Variants in FCHSD2 observed in about 807,000 individuals in gnomAD.
FCHSD2 encodes FCH and double SH3 domains 2, also known as F-BAR and double SH3 domains protein 2.
Under a neutral mutation model 108.1 loss-of-function variants are expected in FCHSD2, and 38 were observed. The ratio of observed to expected loss-of-function variants is 0.35; its 90% CI spans 0.27 to 0.46. The LOEUF (loss-of-function observed/expected upper bound fraction) is 0.46. Ranked by LOEUF, FCHSD2 falls within the 20% of genes least tolerant of loss-of-function variation. The pLI, the probability that FCHSD2 is intolerant of heterozygous loss-of-function variation, is 1.00. For missense variants in FCHSD2, 751 were observed against 897.8 expected (o/e 0.84, Z 2.09); for synonymous variants, 279 against 314.7 (o/e 0.89, Z 1.20).
intron 3 of FCHSD2, among the ~76,000 whole-genome samples, chr11:73,029,649 C>A (rs894808504): frequency 2.0e-5 from 3 of 152,158 alleles, no homozygotes; most frequent in Admixed American, 6.5e-5. Context: ...GCACCCTTTC[C>A]CTATTGCTAC....
At chr11:73,030,229 T>C (rs1297009175) in intron 3 of FCHSD2, among the ~76,000 whole-genome samples, 1 of 152,204 alleles carries the variant, frequency 6.6e-6, no homozygotes, top group Non-Finnish European at 1.5e-5. Context: ...CACAGTATCT[T>C]GTCCAAAAGT....
At chr11:72,935,642 A>G (rs1856284520) in intron 8 of FCHSD2, among the ~76,000 whole-genome samples, 1 of 152,230 alleles carries the variant, frequency 6.6e-6, no homozygotes, top group African/African-American at 2.4e-5. Flanking sequence ...ACAAGAAATC[A>G]AAACAAGTAC....
chr11:72,949,074 T>C (rs1183393827), intron 8 of FCHSD2, among the ~76,000 whole-genome samples: 5 of 152,352 alleles, frequency 3.3e-5, no homozygotes, highest in Admixed American at 2.6e-4. Flanking sequence ...TTTTAAAGTA[T>C]ACAATGCAGT....
chr11:73,025,604 C>T (rs1423405881), intron 3 of FCHSD2, among the ~76,000 whole-genome samples: 1 of 151,916 alleles, frequency 6.6e-6, no homozygotes, highest in Non-Finnish European at 1.5e-5. Context: ...ACAAGTTTAA[C>T]TATGTAACAA....
chr11:73,121,603 T>C (rs1461246240), intron 2 of FCHSD2, among the ~76,000 whole-genome samples: 1 of 151,802 alleles, frequency 6.6e-6, no homozygotes, highest in East Asian at 1.9e-4. Context: ...AAAATCAACC[T>C]GTAAAGCTTA....
intron 3 of FCHSD2, among the ~76,000 whole-genome samples, chr11:73,036,565 G>C (rs553685033): frequency 6.6e-6 from 1 of 152,232 alleles, no homozygotes; most frequent in African/African-American, 2.4e-5. Flanking sequence ...GCAAGTCCCT[G>C]ATAAATTATA....
intron 3 of FCHSD2, among the ~76,000 whole-genome samples, chr11:73,059,478 G>C (rs1382769476): frequency 6.6e-6 from 1 of 152,128 alleles, no homozygotes; most frequent in Non-Finnish European, 1.5e-5. Context: ...AAACATAAAT[G>C]TCAGATGTGA....
intron 13 of FCHSD2, among the ~76,000 whole-genome samples, chr11:72,855,984 C>T (rs919084574): frequency 2.0e-5 from 3 of 152,176 alleles, no homozygotes; most frequent in East Asian, 1.9e-4. Flanking sequence ...GTTTCTTGCC[C>T]GCTACACCCA....
chr11:73,038,728 A>T (rs1858559253), intron 3 of FCHSD2, among the ~76,000 whole-genome samples: 1 of 152,218 alleles, frequency 6.6e-6, no homozygotes, highest in African/African-American at 2.4e-5. Context: ...AAGGGTTGAA[A>T]AAATAATTAG....
chr11:72,892,995 T>A (rs1855348842), intron 10 of FCHSD2, among the ~76,000 whole-genome samples: 1 of 151,658 alleles, frequency 6.6e-6, no homozygotes, highest in Non-Finnish European at 1.5e-5. Flanking sequence ...GCTGGCAAAT[T>A]TATTTTTATT....
chr11:73,133,792 C>CA (rs56104779), intron 2 of FCHSD2, among the ~76,000 whole-genome samples: 29 of 65,810 alleles, frequency 4.4e-4, no homozygotes, highest in South Asian at 1.7e-3. Context: ...AACTCCGTCT[C>CA]AAAAAAAAAA....
At chr11:72,845,448 A>C (rs1196815177) in intron 14 of FCHSD2, among the ~76,000 whole-genome samples, 1 of 72,006 alleles carries the variant, frequency 1.4e-5, no homozygotes, top group Non-Finnish European at 3.0e-5. Context: ...AAAAAAAAAA[A>C]AAAAAAAAAA....
At chr11:72,849,700 G>C in intron 14 of FCHSD2, 55 bp downstream of exon 14, 1 of 1,330,700 alleles carries the variant, frequency 7.5e-7, no homozygotes, top group Non-Finnish European at 1.1e-6. Context: ...ATACAGTCAT[G>C]TGTATCTTCA....
chr11:73,063,161 A>G (rs1314859598), intron 3 of FCHSD2, among the ~76,000 whole-genome samples: 2 of 152,216 alleles, frequency 1.3e-5, no homozygotes, highest in African/African-American at 4.8e-5. Flanking sequence ...AGAATTTTCA[A>G]CCCAGAATTT....
intron 9 of FCHSD2, among the ~76,000 whole-genome samples, chr11:72,904,046 A>G (rs1396064489): frequency 3.3e-5 from 5 of 152,238 alleles, no homozygotes; most frequent in African/African-American, 1.2e-4. Flanking sequence ...AACAGACTAC[A>G]TAATTAAAAT....
chr11:72,883,100 T>C (rs72969893), intron 12 of FCHSD2, among the ~76,000 whole-genome samples: 24,830 of 152,122 alleles, frequency 0.16, 2,433 homozygotes, highest in Non-Finnish European at 0.23. Flanking sequence ...GCTATCTGTA[T>C]AGGAAAAAAC....
At position 72,837,387 on chromosome 11, in the gene FCHSD2, A is replaced by G. The variant is rs1340873683; in HGVS notation, c.*1404T>C. Reference sequence around the variant, plus strand: ...TGGCGAGCATTTCAAGTTTTTTAAGATTCTTAGGAGGGATGGAGTTTTCAA... The same window carrying G: ...TGGCGAGCATTTCAAGTTTTTTAAGGTTCTTAGGAGGGATGGAGTTTTCAA... On this transcript the variant is annotated 3_prime_UTR_variant, in exon 20 of 20. Transcript: ENST00000409418. 1 of 151,972 alleles carries G rather than the reference A, an allele frequency of 6.6e-6. No homozygotes were observed. Among genetic ancestry groups the G allele is most frequent in the Non-Finnish European group, 1.5e-5 (1 of 67,890 alleles). 9.4% of individuals were successfully genotyped at this position (151,972 alleles called of 1,614,324 possible). A position where few individuals can be genotyped will look rare whatever the true frequency, so the allele number is the denominator to read the frequency against.
chr11:72,876,490 T>A (rs756612712), intron 12 of FCHSD2, among the ~76,000 whole-genome samples: 9 of 152,248 alleles, frequency 5.9e-5, no homozygotes, highest in African/African-American at 2.2e-4. Context: ...TTTCTAGCCA[T>A]CTTTCTATTA....
chr11:73,088,410 T>G (rs1447921430), intron 2 of FCHSD2, among the ~76,000 whole-genome samples: 1 of 152,120 alleles, frequency 6.6e-6, no homozygotes, highest in Non-Finnish European at 1.5e-5. Flanking sequence ...AACAATGCAC[T>G]TCTTAGAATG....
Sources: gnomAD v4.1 joint callset for allele counts (sites outside exome capture counted in the v4.1 genomes callset) on GRCh38, gnomAD v4.1.1 for gene constraint, MANE v1.5 for transcripts, NCBI Gene and HGNC (gene_info 2026-07-23, HGNC 2026-07-21) for gene names.